SPAM1: variants seen among roughly 807,000 people sequenced by gnomAD.
SPAM1 encodes sperm adhesion molecule 1.
SPAM1 carries 22 observed loss-of-function variants against 29.6 expected under a neutral mutation model. That is an observed-to-expected ratio of 0.74 (90% CI 0.53 to 1.06). The LOEUF is 1.06. SPAM1 is among the 50% of genes least tolerant of loss of function. SPAM1 has a pLI of 0.00. For missense variants in SPAM1, 534 were observed against 604.0 expected (o/e 0.88, Z 1.21); for synonymous variants, 194 against 204.6 (o/e 0.95, Z 0.44).
downstream of SPAM1, among the ~76,000 whole-genome samples, chr7:123,963,170 T>C (rs1025609835): frequency 5.9e-5 from 9 of 151,874 alleles, no homozygotes; most frequent in African/African-American, 1.7e-4. Context: ...ATTGCAAAAT[T>C]ATCTTTCAAA....
chr7:123,930,392 T>G (rs189655944), intron 1 of SPAM1, among the ~76,000 whole-genome samples: 1 of 152,212 alleles, frequency 6.6e-6, no homozygotes, highest in East Asian at 1.9e-4. Context: ...TAGAATACAT[T>G]TTTATCATGA....
intron 2 of SPAM1, among the ~76,000 whole-genome samples, chr7:123,952,892 T>C (rs7804904): frequency 0.6 from 84,607 of 141,414 alleles, 25,592 homozygotes; most frequent in African/African-American, 0.72. Context: ...TGCTCCCCTT[T>C]GAAAAAAAAA....
intron 4 of SPAM1, among the ~76,000 whole-genome samples, chr7:123,956,593 C>G (rs1163115503): frequency 6.6e-6 from 1 of 151,794 alleles, no homozygotes; most frequent in East Asian, 1.9e-4. Flanking sequence ...ATTTTGTGAA[C>G]CAGTTGTTAA....
intron 1 of SPAM1, among the ~76,000 whole-genome samples, chr7:123,938,896 A>C (rs1378396958): frequency 6.6e-6 from 1 of 152,110 alleles, no homozygotes; most frequent in Non-Finnish European, 1.5e-5. Flanking sequence ...AGTGCTAGGC[A>C]GCTGAACCAC....
chr7:123,956,975 T>C (rs1272176713), intron 4 of SPAM1, among the ~76,000 whole-genome samples: 1 of 152,002 alleles, frequency 6.6e-6, no homozygotes, highest in Non-Finnish European at 1.5e-5. Flanking sequence ...CTACAAAGTA[T>C]GCAGGTTAAT....
At chr7:123,942,485 A>G (rs1489480854) in intron 1 of SPAM1, among the ~76,000 whole-genome samples, 1 of 152,198 alleles carries the variant, frequency 6.6e-6, no homozygotes, top group Non-Finnish European at 1.5e-5. Context: ...GCTGCAAAAT[A>G]AGTTTTAGTC....
intron 3 of SPAM1, 105 bp from the exon 4 acceptor site, chr7:123,954,892 A>T (rs986496787): frequency 1.4e-6 from 1 of 738,280 alleles, no homozygotes; most frequent in Non-Finnish European, 2.4e-6. Context: ...GGAAATATTA[A>T]AATTATTATT....
In SPAM1 at chr7:123,948,596, C is replaced by G. The variant is rs1184721770; in HGVS notation, c.-318-1276C>G. On this transcript the variant is annotated intron_variant, in intron 1 of 4. Coordinates refer to ENST00000682466, the MANE Select transcript of SPAM1 (RefSeq NM_153189.3). ...GACTGAGGAGGTGCCTTGTGAATGA[C>G]TTAGATTTGGGACTCCCTTTGGTCC... is the stretch of plus-strand genomic sequence containing the variant. 2.6e-5 allele frequency among the ~76,000 whole-genome samples: 4 copies of G among 152,156 alleles called. No individual in the cohort carries two copies. The South Asian group carries it at 6.2e-4, about 24-fold the overall frequency.
intron 6 of SPAM1, chr7:123,970,434 G>A: frequency 1.8e-6 from 1 of 560,416 alleles, no homozygotes. Flanking sequence ...TAAAGATCCT[G>A]TCTTCAAATA....
chr7:123,959,525 G>T lies in SPAM1; in HGVS notation c.1086G>T (p.Leu362=). The change falls in exon 5 of 5, where the codon CTG becomes CTT. Residue 362 remains leucine (L), a synonymous_variant. Coordinates refer to ENST00000682466, the MANE Select transcript of SPAM1 (RefSeq NM_153189.3). ...TAGACAATTACATGGAGACTATACT[G>T]AATCCTTACATAATCAACGTCACAC... is the stretch of plus-strand genomic sequence containing the variant. ...LLLDNYMETI[L]NPYIINVTLA... 6.2e-7 allele frequency: 1 copy of T among 1,612,566 alleles called. No homozygotes were observed. The highest frequency in any genetic ancestry group is 1.1e-5 in the South Asian group (1 of 90,988).
At chr7:123,941,175 T>C (rs989926) in intron 1 of SPAM1, among the ~76,000 whole-genome samples, 2,415 of 152,332 alleles carry the variant, frequency 0.016, 57 homozygotes, top group African/African-American at 0.055. Context: ...AGCAGGATTC[T>C]GTAAACCAAA....
In SPAM1 at chr7:123,949,920, A is replaced by G. The variant is rs1363119538; in HGVS notation, c.-270A>G. ...TCTAGGAAGACATTGAGACCAGCCA[A>G]CTTCTTGCCTTGATAACTACTGAAG... On this transcript the variant is annotated 5_prime_UTR_variant, in exon 2 of 5. Transcript: ENST00000682466. The G allele has an allele frequency of 6.6e-6, 1 of 152,026 alleles. No individual in the cohort carries two copies. Among genetic ancestry groups the G allele is most frequent in the Non-Finnish European group, 1.5e-5 (1 of 67,986 alleles). 9.4% of individuals were successfully genotyped at this position (152,026 alleles called of 1,614,324 possible).
chr7:123,955,702 T>C (rs2117064137), intron 4 of SPAM1, among the ~76,000 whole-genome samples: 1 of 152,160 alleles, frequency 6.6e-6, no homozygotes, highest in African/African-American at 2.4e-5. Context: ...CATGACATAG[T>C]CTTTATTTAA....
chr7:123,950,127 A>G (rs1253961398), intron 2 of SPAM1, 144 bp downstream of exon 2: 1 of 152,142 alleles, frequency 6.6e-6, no homozygotes, highest in Non-Finnish European at 1.5e-5. Flanking sequence ...TAGGAATACT[A>G]GTGGAGAGAT....
intron 1 of SPAM1, among the ~76,000 whole-genome samples, chr7:123,942,514 G>A (rs1302540425): frequency 2.6e-5 from 4 of 152,176 alleles, no homozygotes; most frequent in Admixed American, 2.0e-4. Context: ...CTTGGCCATA[G>A]TATATGCATA....
At position 123,959,845 on chromosome 7, in the gene SPAM1, T is replaced by C; in HGVS notation, c.1406T>C (p.Leu469Pro). Reference protein sequence around the residue: ...IADGVCIDAFLKPPMETEEPQ... With the variant: ...IADGVCIDAFPKPPMETEEPQ... ...GATGGTGTCTGTATAGATGCTTTTC[T>C]AAAACCTCCCATGGAGACAGAAGAA... The change falls in exon 5 of 5, where the codon CTA (leucine) becomes CCA (proline). Residue 469 changes from leucine to proline, a missense_variant. Physicochemically the swap from Leu to Pro is moderately conservative, Grantham distance 98. Transcript: ENST00000682466. 1 of 1,613,192 alleles carries C rather than the reference T, an allele frequency of 6.2e-7. No individual in the cohort carries two copies. Among genetic ancestry groups the C allele is most frequent in the Non-Finnish European group, 8.5e-7 (1 of 1,179,532 alleles).
intron 1 of SPAM1, among the ~76,000 whole-genome samples, chr7:123,942,959 A>AG (rs1292435974): frequency 6.6e-6 from 1 of 152,248 alleles, no homozygotes; most frequent in African/African-American, 2.4e-5. Flanking sequence ...TATTGCTATA[A>AG]GTTAAGCATA....
chr7:123,937,173 A>G (rs566466449), intron 1 of SPAM1, among the ~76,000 whole-genome samples: 2 of 152,290 alleles, frequency 1.3e-5, no homozygotes, highest in East Asian at 3.9e-4. Flanking sequence ...GTCAAAAGGA[A>G]TCCTCTCCAC....
In SPAM1 at chr7:123,953,904, G is replaced by A. The variant is rs1485626334; in HGVS notation, c.334G>A (p.Gly112Arg). 3 of 1,613,708 alleles carry A rather than the reference G, an allele frequency of 1.9e-6. No homozygotes were observed. The highest frequency in any genetic ancestry group is 2.5e-6 in the Non-Finnish European group (3 of 1,179,804). The stretch of plus-strand genomic sequence containing the variant: ...TTCAATCACAGGAGTAACTGTGAAT[G>A]GAGGAATCCCCCAGAAGATTTCCTT... ...IDSITGVTVN[G>R]GIPQKISLQD... Residue 112 changes from glycine (G) to arginine (R), a missense_variant, in exon 3 of 5, where the codon GGA (glycine) becomes AGA (arginine). Transcript: ENST00000682466.
Sources: allele counts gnomAD v4.1 joint callset (sites outside exome capture counted in the v4.1 genomes callset), GRCh38; gene constraint gnomAD v4.1.1; transcripts MANE v1.5; gene names NCBI Gene and HGNC (gene_info 2026-07-23, HGNC 2026-07-21).